The following APMAP variants were observed in gnomAD, a reference collection of about 807,000 sequenced individuals.
APMAP encodes adipocyte plasma membrane associated protein.
A neutral mutation model predicts 43.6 loss-of-function variants in APMAP; 33 were observed. The ratio of observed to expected loss-of-function variants is 0.76; its 90% CI spans 0.57 to 1.01. APMAP has a LOEUF of 1.01. APMAP is among the 50% of genes least tolerant of loss of function. APMAP has a pLI of 0.00. For missense variants in APMAP, 498 were observed against 540.7 expected, an observed-to-expected ratio of 0.92 and a Z score of 0.78; for synonymous variants, 224 against 216.7, an observed-to-expected ratio of 1.03 and a Z score of -0.30.
chr20:24,976,681 G>A (rs1331973217), intron 3 of APMAP, among the ~76,000 whole-genome samples: 2 of 152,106 alleles, frequency 1.3e-5, no homozygotes, highest in Admixed American at 6.5e-5. Flanking sequence ...TATGCTTTTC[G>A]GTATTTACCC....
chr20:24,965,850 T>TG (rs2087937833), intron 8 of APMAP, among the ~76,000 whole-genome samples: 1 of 152,122 alleles, frequency 6.6e-6, no homozygotes, highest in Non-Finnish European at 1.5e-5. Context: ...TTCTCACTGT[T>TG]GGAGAGGTAC....
At chr20:24,971,143 G>A (rs1457651466) in intron 5 of APMAP, among the ~76,000 whole-genome samples, 1 of 152,080 alleles carries the variant, frequency 6.6e-6, no homozygotes, top group South Asian at 2.1e-4. Flanking sequence ...TAGACAAGAC[G>A]CAGAGAGACA....
At chr20:24,965,305 ACAGCTTCCACACAGG>A (rs1301742970) in intron 8 of APMAP, among the ~76,000 whole-genome samples, 1 of 152,168 alleles carries the variant, frequency 6.6e-6, no homozygotes, top group Non-Finnish European at 1.5e-5. Flanking sequence ...AGTCACTGAG[ACAGCTTCCACACAGG>A]CTCCCACAGC....
Position 24,963,416 on chromosome 20 carries a change from C to A in APMAP, c.*397G>T. ...GCACGTTATATATAGTAAAGAAGAA[C>A]TTTGAGGCCGCAGGACAGGGCCGCA... On this transcript the variant is annotated 3_prime_UTR_variant, in exon 9 of 9. Coordinates refer to ENST00000217456, the MANE Select transcript of APMAP (RefSeq NM_020531.3). 1 of 214,686 alleles carries A rather than the reference C, an allele frequency of 4.7e-6. No homozygotes were observed. The highest frequency in any genetic ancestry group is 9.5e-6 in the Non-Finnish European group (1 of 104,932). 13.3% of individuals were successfully genotyped at this position (214,686 alleles called of 1,614,324 possible).
intron 3 of APMAP, among the ~76,000 whole-genome samples, chr20:24,974,890 CAGTT>C (rs996164409): frequency 6.6e-6 from 1 of 152,156 alleles, no homozygotes; most frequent in African/African-American, 2.4e-5. Context: ...TCCACTATCA[CAGTT>C]AGAGACTTCA....
intron 8 of APMAP, among the ~76,000 whole-genome samples, chr20:24,966,088 A>T (rs568156067): frequency 6.6e-6 from 1 of 152,328 alleles, no homozygotes; most frequent in African/African-American, 2.4e-5. Flanking sequence ...CAGCACCCAG[A>T]TCTCCTCCAC....
chr20:24,976,834 T>C (rs1319441061), intron 3 of APMAP, among the ~76,000 whole-genome samples: 4 of 152,222 alleles, frequency 2.6e-5, no homozygotes, highest in Non-Finnish European at 5.9e-5. Context: ...CAATGGAATA[T>C]TACTCAGTGC....
chr20:24,965,514 G>T (rs1404003919), intron 8 of APMAP, among the ~76,000 whole-genome samples: 1 of 152,262 alleles, frequency 6.6e-6, no homozygotes, highest in Admixed American at 6.5e-5. Context: ...CTTGGGTGAG[G>T]AGGTGTCCCT....
At chr20:24,989,208 C>T (rs1044566584) in intron 1 of APMAP, among the ~76,000 whole-genome samples, 10 of 152,152 alleles carry the variant, frequency 6.6e-5, no homozygotes, top group African/African-American at 2.4e-4. Context: ...TCCAGGAACG[C>T]TGGCAACTTA....
chr20:24,992,524 G>A (rs1192387201), intron 1 of APMAP, 70 bp downstream of exon 1: 6 of 1,262,242 alleles, frequency 4.8e-6, no homozygotes, highest in Admixed American at 7.0e-5. Context: ...TGCCGTCGCC[G>A]CTGTCCAAGA....
In APMAP at chr20:24,975,629, A is replaced by G. The variant is rs2088044397; in HGVS notation, c.329-1892T>C. Among the ~76,000 whole-genome samples the G allele has an allele frequency of 2.0e-5, 3 of 152,338 alleles. No homozygotes were observed. The South Asian group carries it at 6.2e-4, about 32-fold the overall frequency. On this transcript the variant is annotated intron_variant, in intron 3 of 8. Coordinates refer to ENST00000217456, the MANE Select transcript of APMAP (RefSeq NM_020531.3). ...TAATCTATAGATTCAATGCAATCCC[A>G]ATCAAAATCCCAGCAAGTTATTTTG...
intron 1 of APMAP, among the ~76,000 whole-genome samples, chr20:24,988,747 A>G (rs930813214): frequency 6.6e-6 from 1 of 152,150 alleles, no homozygotes; most frequent in East Asian, 1.9e-4. Context: ...GACTTCACCA[A>G]CACCTCCTCA....
intron 8 of APMAP, 29 bp from the exon 9 acceptor site, chr20:24,964,051 T>C (rs749835503): frequency 5.6e-6 from 9 of 1,609,600 alleles, no homozygotes; most frequent in Non-Finnish European, 7.7e-6. Flanking sequence ...CAGGGAAAGT[T>C]CACCAGCTGG....
intron 1 of APMAP, 152 bp from the exon 2 acceptor site, chr20:24,984,171 C>T (rs1447350641): frequency 1.7e-6 from 1 of 586,158 alleles, no homozygotes; most frequent in Non-Finnish European, 3.0e-6. Flanking sequence ...TAAACTCTAG[C>T]ACTATTTGCT....
At chr20:24,969,745 G>A (rs2087982565) in intron 6 of APMAP, 85 bp from the exon 7 acceptor site, 1 of 1,487,888 alleles carries the variant, frequency 6.7e-7, no homozygotes, top group Admixed American at 2.1e-5. Context: ...TGAAGAAGGT[G>A]ACTCCGCCTC....
At position 24,978,746 on chromosome 20, in the gene APMAP, CCCA is replaced by C. The variant is rs747480684; in HGVS notation, c.328+18_328+20del. 4.8e-6 allele frequency: 6 copies of C among 1,255,852 alleles called. No individual in the cohort carries two copies. In the African/African-American group the frequency reaches 6.4e-5, roughly 13 times the overall value. The allele number at this position is 1,255,852 out of a possible 1,614,324, so 77.8% of individuals were successfully genotyped here. On this transcript the variant is annotated intron_variant, in intron 3 of 8. Coordinates refer to ENST00000217456, the MANE Select transcript of APMAP (RefSeq NM_020531.3). ...AACAGACAGCCTGGAAGGCTCCCCC[CCCA>C]CCCAAGCTTAGACTTACCCCCAATA...
At chr20:24,970,869 A>T (rs1011948549) in intron 5 of APMAP, among the ~76,000 whole-genome samples, 1 of 152,238 alleles carries the variant, frequency 6.6e-6, no homozygotes, top group Non-Finnish European at 1.5e-5. Flanking sequence ...GCAGAGAGCA[A>T]CTAAGGGACC....
intron 8 of APMAP, among the ~76,000 whole-genome samples, chr20:24,966,574 T>C (rs2087945424): frequency 1.3e-5 from 2 of 152,024 alleles, no homozygotes; most frequent in Non-Finnish European, 2.9e-5. Flanking sequence ...AGAATCTAAA[T>C]ATGAAAAACA....
intron 8 of APMAP, chr20:24,964,329 C>T (rs1226794156): frequency 9.0e-6 from 5 of 555,508 alleles, no homozygotes; most frequent in East Asian, 4.6e-5. Context: ...TCACATCCGA[C>T]GTGGTCACAG....
Sources: gnomAD v4.1 joint callset for allele counts (sites outside exome capture counted in the v4.1 genomes callset) on GRCh38, gnomAD v4.1.1 for gene constraint, MANE v1.5 for transcripts, NCBI Gene and HGNC (gene_info 2026-07-23, HGNC 2026-07-21) for gene names.